Variants in SCN11A observed in about 807,000 individuals in gnomAD.
SCN11A encodes the protein sodium voltage-gated channel alpha subunit 11.
SCN11A carries 122 observed loss-of-function variants against 162.2 expected under a neutral mutation model. That is an observed-to-expected ratio of 0.75 (90% confidence interval 0.65 to 0.87). The LOEUF is 0.87. Among genes scored for constraint, SCN11A ranks in the 40% least tolerant of loss-of-function variants. The pLI is 0.00. For missense variants in SCN11A, 2,015 were observed against 2,181.6 expected (o/e 0.92, Z 1.52); for synonymous variants, 758 against 751.5 (o/e 1.01, Z -0.14).
intron 2 of SCN11A, among the ~76,000 whole-genome samples, chr3:39,029,933 C>A (rs2031704922): frequency 6.6e-6 from 1 of 152,216 alleles, no homozygotes; most frequent in Admixed American, 6.5e-5. Context: ...GTTCCAGCTT[C>A]TGTGGCAAGA....
At chr3:38,953,555 A>T (rs145975229) in intron 4 of SCN11A, among the ~76,000 whole-genome samples, 74 bp downstream of exon 4, 1 of 152,200 alleles carries the variant, frequency 6.6e-6, no homozygotes, top group East Asian at 1.9e-4. Flanking sequence ...AATGACATGC[A>T]TGGATTTGAG....
rs1575323953 is a variant in SCN11A, at chr3:38,945,637, G to T, written c.387-125C>A. The T allele has an allele frequency of 1.1e-5, 6 of 569,132 alleles. No individual in the cohort carries two copies. In the East Asian group the frequency reaches 1.8e-4, roughly 17 times the overall value. The allele number at this position is 569,132 out of a possible 1,614,324, so 35.3% of individuals were successfully genotyped here. Reference sequence around the variant, plus strand: ...GTGCATCTATCTTCTGACTGTGAATGTTGGATGAGAACAACTCACAACTGT... The same window carrying T: ...GTGCATCTATCTTCTGACTGTGAATTTTGGATGAGAACAACTCACAACTGT... On this transcript the variant is annotated intron_variant, in intron 6 of 29. Transcript: ENST00000302328.
chr3:39,015,830 G>A (rs931046471), intron 2 of SCN11A, among the ~76,000 whole-genome samples: 2 of 152,020 alleles, frequency 1.3e-5, no homozygotes, highest in African/African-American at 2.4e-5. Flanking sequence ...TCCGCCTCCC[G>A]GGCTCAAGCA....
At chr3:39,040,288 C>T (rs1472859821) in intron 1 of SCN11A, among the ~76,000 whole-genome samples, 2 of 152,160 alleles carry the variant, frequency 1.3e-5, no homozygotes, top group African/African-American at 2.4e-5. Context: ...TGTCTAAGAT[C>T]GAGTGTGGAG....
chr3:38,873,533 T>A (rs2126097736), intron 23 of SCN11A, among the ~76,000 whole-genome samples: 1 of 152,326 alleles, frequency 6.6e-6, no homozygotes, highest in African/African-American at 2.4e-5. Flanking sequence ...GTTATTAAGT[T>A]ATTAAGTAGC....
chr3:38,917,687 AG>A (rs2065981066), intron 11 of SCN11A, among the ~76,000 whole-genome samples: 4 of 152,204 alleles, frequency 2.6e-5, no homozygotes, highest in Admixed American at 2.0e-4. Flanking sequence ...GAGAGAAGGA[AG>A]AGAATCAGGA....
chr3:38,862,730 G>C (rs1240558652), intron 28 of SCN11A, among the ~76,000 whole-genome samples: 1 of 152,044 alleles, frequency 6.6e-6, no homozygotes, highest in East Asian at 1.9e-4. Context: ...ATGGACTTCA[G>C]GGAATCAAGG....
chr3:38,888,976 T>C (rs1055331446), intron 19 of SCN11A, among the ~76,000 whole-genome samples: 16 of 151,988 alleles, frequency 1.1e-4, no homozygotes, highest in Admixed American at 3.3e-4. Flanking sequence ...CAAAAACCAC[T>C]TATTCCCCAA....
intron 11 of SCN11A, among the ~76,000 whole-genome samples, chr3:38,919,697 T>A (rs1177138439): frequency 3.3e-5 from 5 of 152,184 alleles, no homozygotes; most frequent in African/African-American, 7.2e-5. Flanking sequence ...AATATCACTG[T>A]TTCAGTAGGT....
Position 38,847,016 on chromosome 3 carries a change from A to C in SCN11A, c.5054T>G (p.Ile1685Ser). 2 of 1,614,126 alleles carry C rather than the reference A, an allele frequency of 1.2e-6. No homozygotes were observed. The highest frequency in any genetic ancestry group is 2.2e-5 in the South Asian group (2 of 91,072). The part of the protein sequence containing the change: ...VSEDRLHCMD[I>S]LFAFTARVLG... ...TACCCTAGCGGTGAAGGCGAAAAGA[A>C]TATCCATGCAGTGGAGGCGATCTTC... The change falls in exon 30 of 30, where the codon ATT becomes AGT. Residue 1685 changes from isoleucine to serine, a missense_variant. Transcript: ENST00000302328.
chr3:39,042,735 A>C (rs952879992), intron 1 of SCN11A, among the ~76,000 whole-genome samples: 2 of 152,112 alleles, frequency 1.3e-5, no homozygotes, highest in Admixed American at 6.5e-5. Flanking sequence ...AGACAGGAGG[A>C]TCACCTGAAG....
Position 38,944,203 on chromosome 3 carries a change from G to C in SCN11A, c.488+1208C>G, listed in dbSNP as rs147203142. ...AGAAGAAAAAATTTAATGCTAGCAA[G>C]AATGTGATATAATTGGTTATTAGAA... On this transcript the variant is annotated intron_variant, in intron 7 of 29. Coordinates refer to ENST00000302328, the MANE Select transcript of SCN11A (RefSeq NM_001349253.2). 6.6e-3 allele frequency among the ~76,000 whole-genome samples: 1,005 copies of C among 152,334 alleles called. 3 individuals are homozygous for C. The highest frequency in any genetic ancestry group is 0.017 in the Middle Eastern group (5 of 294).
intron 1 of SCN11A, among the ~76,000 whole-genome samples, chr3:39,040,144 A>G (rs1258990260): frequency 6.6e-6 from 1 of 152,234 alleles, no homozygotes; most frequent in African/African-American, 2.4e-5. Flanking sequence ...CCACCAATGG[A>G]CACTTACCAC....
chr3:39,033,019 G>T (rs1419655979), intron 1 of SCN11A, among the ~76,000 whole-genome samples: 2 of 152,170 alleles, frequency 1.3e-5, no homozygotes, highest in Non-Finnish European at 2.9e-5. Context: ...AAGCTATGGT[G>T]GCGGGCGCCC....
At position 38,872,227 on chromosome 3, in the gene SCN11A, G is replaced by A. The variant is rs761727767; in HGVS notation, c.3461C>T (p.Pro1154Leu). ...TTCAAACTGGGACAGCGCACGAAGA[G>A]GCCTCAGTGCTCGTAGAGTCCGGAA... ...KSFRTLRALR[P>L]LRALSQFEGM... The change falls in exon 24 of 30, where the codon CCT (proline) becomes CTT (leucine). Residue 1154 changes from proline (P) to leucine (L), a missense_variant. Physicochemically the swap from Pro to Leu is moderately conservative, Grantham distance 98. Transcript: ENST00000302328. 2 of 1,609,060 alleles carry A rather than the reference G, an allele frequency of 1.2e-6. No homozygotes were observed.
intron 16 of SCN11A, among the ~76,000 whole-genome samples, chr3:38,902,822 G>A (rs1239465670): frequency 6.6e-6 from 1 of 151,640 alleles, no homozygotes; most frequent in Non-Finnish European, 1.5e-5. Context: ...CGGCTGCAGT[G>A]GGTTCTTAAC....
In SCN11A at chr3:38,899,924, T is replaced by C. The variant is rs2065669146; in HGVS notation, c.1992A>G (p.Arg664=). The C allele has an allele frequency of 1.9e-6, 3 of 1,613,840 alleles. No individual in the cohort carries two copies. Among genetic ancestry groups the C allele is most frequent in the African/African-American group, 1.3e-5 (1 of 74,928 alleles). The change falls in exon 17 of 30, where the codon AGA becomes AGG. Residue 664 remains arginine, a synonymous_variant. Coordinates refer to ENST00000302328, the MANE Select transcript of SCN11A (RefSeq NM_001349253.2). The part of the protein sequence containing the change: ...ADVMNCVLQK[R]SWPFLRSFRV... The stretch of plus-strand genomic sequence containing the variant: ...TGAAGGAACGCAAGAATGGCCAGCT[T>C]CTCTTTTGAAGTACACAGTTCATTA...
At chr3:38,909,946 T>G in intron 12 of SCN11A, 120 bp downstream of exon 12, 3 of 968,640 alleles carry the variant, frequency 3.1e-6, no homozygotes, top group Non-Finnish European at 4.5e-6. Context: ...AGACAGATGA[T>G]AAAAGTGGGG....
At position 38,932,889 on chromosome 3, in the gene SCN11A, C is replaced by T. The variant is rs529769025; in HGVS notation, c.489-5958G>A. 2.1e-3 allele frequency among the ~76,000 whole-genome samples: 317 copies of T among 152,338 alleles called. 4 individuals are homozygous for T. The highest frequency in any genetic ancestry group is 0.013 in the Admixed American group (200 of 15,310). ...GAGCAGTGGTTCTCCCAGCACCCAG[C>T]TGGAGATCTGAGAACAGGCAGACTG... On this transcript the variant is annotated intron_variant, in intron 7 of 29. Transcript: ENST00000302328.
Sources: gnomAD v4.1 joint callset for allele counts (sites outside exome capture counted in the v4.1 genomes callset) on GRCh38, gnomAD v4.1.1 for gene constraint, MANE v1.5 for transcripts, NCBI Gene and HGNC (gene_info 2026-07-23, HGNC 2026-07-21) for gene names.